The following CNTN5 variants were observed in gnomAD, a reference collection of about 807,000 sequenced individuals.
The protein encoded by CNTN5 is contactin-5.
A neutral mutation model predicts 129.1 loss-of-function variants in CNTN5; 77 were observed. That is an observed-to-expected ratio of 0.60 (90% CI 0.50 to 0.72). The LOEUF (loss-of-function observed/expected upper bound fraction) is 0.72. Ranked by LOEUF, CNTN5 falls within the 30% of genes least tolerant of loss-of-function variation. The pLI, the probability that CNTN5 is intolerant of heterozygous loss-of-function variation, is 0.00. For synonymous variants in CNTN5, 509 were observed against 465.6 expected, an observed-to-expected ratio of 1.09 and a Z score of -1.20; for missense variants, 1,478 against 1,328.8, an observed-to-expected ratio of 1.11 and a Z score of -1.75.
chr11:99,614,248 C>G (rs1395089823), intron 3 of CNTN5, among the ~76,000 whole-genome samples: 3 of 152,128 alleles, frequency 2.0e-5, no homozygotes, highest in Non-Finnish European at 4.4e-5. Flanking sequence ...GAAGTATTTT[C>G]ATTCATTGTT....
At chr11:99,770,375 A>C (rs1449192745) in intron 3 of CNTN5, among the ~76,000 whole-genome samples, 1 of 152,090 alleles carries the variant, frequency 6.6e-6, no homozygotes, top group African/African-American at 2.4e-5. Flanking sequence ...TTTCATTAGC[A>C]TATAATTTAT....
intron 2 of CNTN5, among the ~76,000 whole-genome samples, chr11:99,376,580 C>A (rs1250469001): frequency 6.6e-6 from 1 of 152,106 alleles, no homozygotes; most frequent in Non-Finnish European, 1.5e-5. Flanking sequence ...TCAAGGTATC[C>A]TTGACCCACT....
intron 3 of CNTN5, among the ~76,000 whole-genome samples, chr11:99,771,401 T>C (rs565987999): frequency 2.0e-5 from 3 of 152,082 alleles, no homozygotes; most frequent in African/African-American, 7.2e-5. Context: ...TACACACATA[T>C]ATGTATATAC....
At chr11:99,784,140 G>C (rs1050346607) in intron 3 of CNTN5, among the ~76,000 whole-genome samples, 9 of 151,976 alleles carry the variant, frequency 5.9e-5, no homozygotes, top group African/African-American at 2.2e-4. Flanking sequence ...CCCAGGTTCA[G>C]AACTTTTTAC....
intron 1 of CNTN5, among the ~76,000 whole-genome samples, chr11:99,317,349 G>T (rs1032978543): frequency 1.5e-4 from 23 of 152,150 alleles, no homozygotes; most frequent in African/African-American, 5.6e-4. Flanking sequence ...TAGTTATCTT[G>T]AAGTTGGATG....
At chr11:100,238,930 C>G (rs1949681994) in intron 16 of CNTN5, among the ~76,000 whole-genome samples, 1 of 151,974 alleles carries the variant, frequency 6.6e-6, no homozygotes, top group African/African-American at 2.4e-5. Flanking sequence ...TTTTGACTAC[C>G]TCTCCTTCCT....
intron 13 of CNTN5, among the ~76,000 whole-genome samples, chr11:100,080,869 A>G (rs2137927797): frequency 6.6e-6 from 1 of 152,332 alleles, no homozygotes; most frequent in East Asian, 1.9e-4. Flanking sequence ...TTCAAAAGAA[A>G]TAAAATGATT....
At chr11:100,330,620 C>A (rs1001848684) in intron 21 of CNTN5, among the ~76,000 whole-genome samples, 2 of 149,080 alleles carry the variant, frequency 1.3e-5, no homozygotes, top group African/African-American at 5.2e-5. Flanking sequence ...AGAGCAACAG[C>A]AAATTTATCA....
intron 8 of CNTN5, among the ~76,000 whole-genome samples, chr11:99,968,032 A>G (rs542003664): frequency 6.6e-6 from 1 of 152,324 alleles, no homozygotes; most frequent in African/African-American, 2.4e-5. Flanking sequence ...ATCCTGTATT[A>G]AGCAAAGATA....
At chr11:99,644,786 T>C (rs1387847665) in intron 3 of CNTN5, among the ~76,000 whole-genome samples, 9 of 152,166 alleles carry the variant, frequency 5.9e-5, no homozygotes, top group Non-Finnish European at 1.2e-4. Flanking sequence ...ATGTTGTTTT[T>C]ATTCTGATAC....
intron 1 of CNTN5, among the ~76,000 whole-genome samples, chr11:99,124,441 G>T (rs961406482): frequency 6.6e-6 from 1 of 151,852 alleles, no homozygotes; most frequent in Non-Finnish European, 1.5e-5. Flanking sequence ...GAGACTATGG[G>T]GTTTCTGTGT....
intron 7 of CNTN5, among the ~76,000 whole-genome samples, chr11:99,924,847 T>C (rs1252618484): frequency 6.6e-6 from 1 of 152,190 alleles, no homozygotes; most frequent in East Asian, 1.9e-4. Flanking sequence ...TGCAGTTGTT[T>C]TTGGTGATTA....
chr11:99,225,212 T>C (rs1860616305), intron 1 of CNTN5, among the ~76,000 whole-genome samples: 1 of 152,054 alleles, frequency 6.6e-6, no homozygotes, highest in Non-Finnish European at 1.5e-5. Flanking sequence ...TGAGTTGGAA[T>C]AGAAAGGTAG....
chr11:99,305,296 C>A (rs1864824729), intron 1 of CNTN5, among the ~76,000 whole-genome samples: 1 of 152,150 alleles, frequency 6.6e-6, no homozygotes, highest in Admixed American at 6.5e-5. Flanking sequence ...AAAATAGGTA[C>A]TCTATTCCTA....
At chr11:99,055,554 G>T (rs1864594672) in intron 1 of CNTN5, among the ~76,000 whole-genome samples, 1 of 151,894 alleles carries the variant, frequency 6.6e-6, no homozygotes, top group African/African-American at 2.4e-5. Context: ...GCTACACTCA[G>T]TGCAGGTTTT....
chr11:99,619,571 A>G (rs1022098197), intron 3 of CNTN5, among the ~76,000 whole-genome samples: 2 of 152,126 alleles, frequency 1.3e-5, no homozygotes, highest in South Asian at 4.1e-4. Context: ...AAGTATTTTT[A>G]TACTTTTTTG....
At chr11:99,507,977 A>G (rs1256748055) in intron 2 of CNTN5, among the ~76,000 whole-genome samples, 3 of 152,194 alleles carry the variant, frequency 2.0e-5, no homozygotes, top group Non-Finnish European at 4.4e-5. Flanking sequence ...TTTTATTATT[A>G]TTTTATTCAC....
chr11:99,753,700 T>TC (rs1374857149), intron 3 of CNTN5, among the ~76,000 whole-genome samples: 33 of 148,832 alleles, frequency 2.2e-4, no homozygotes, highest in Non-Finnish European at 7.4e-5. Flanking sequence ...CCTTTTTTTT[T>TC]TTTTTTGAGA....
chr11:100,006,068 C>A (rs1455878709), intron 9 of CNTN5, among the ~76,000 whole-genome samples: 1 of 152,140 alleles, frequency 6.6e-6, no homozygotes, highest in Non-Finnish European at 1.5e-5. Flanking sequence ...CCAGAGCACA[C>A]AGAAGTTATG....
Sources: allele counts gnomAD v4.1 joint callset (sites outside exome capture counted in the v4.1 genomes callset), GRCh38; gene constraint gnomAD v4.1.1; transcripts MANE v1.5; gene names NCBI Gene and HGNC (gene_info 2026-07-23, HGNC 2026-07-21).